The following SCAF8 variants were observed in gnomAD, a reference collection of about 807,000 sequenced individuals.
SCAF8 encodes the protein SR-related and CTD-associated factor 8.
SCAF8 carries 23 observed loss-of-function variants against 140.5 expected under a neutral mutation model. That is an observed-to-expected ratio of 0.16 (90% CI 0.12 to 0.23). The LOEUF (loss-of-function observed/expected upper bound fraction) is 0.23, where lower values mean the gene tolerates loss of function less well. Ranked by LOEUF, SCAF8 falls within the 10% of genes least tolerant of loss-of-function variation. SCAF8 has a pLI of 1.00. For synonymous variants in SCAF8, 575 were observed against 528.9 expected (o/e 1.09, Z -1.20); for missense variants, 1,397 against 1,555.7 (o/e 0.90, Z 1.72).
At chr6:154,735,434 CTT>C (rs1171847741) in intron 1 of SCAF8, among the ~76,000 whole-genome samples, 2 of 151,172 alleles carry the variant, frequency 1.3e-5, no homozygotes, top group Admixed American at 1.3e-4. Flanking sequence ...TGATACATAA[CTT>C]TTTTTGGAAA....
intron 1 of SCAF8, among the ~76,000 whole-genome samples, chr6:154,747,375 T>C (rs907628249): frequency 2.0e-5 from 3 of 152,046 alleles, no homozygotes; most frequent in African/African-American, 4.8e-5. Context: ...TACAAAAAAA[T>C]TAGCTGGGTA....
At position 154,822,421 on chromosome 6, in the gene SCAF8, A is replaced by AGTGGGGTTTTTTTTTTCTTGT; in HGVS notation, c.1926+15_1926+35dup. The AGTGGGGTTTTTTTTTTCTTGT allele has an allele frequency of 6.3e-7, 1 of 1,582,530 alleles. No homozygotes were observed. The highest frequency in any genetic ancestry group is 2.2e-5 in the East Asian group (1 of 44,756). ...TTGCTATGTTGCAGGTTAGTGTTGA[A>AGTGGGGTTTTTTTTTTCTTGT]GTGGGGTTTTTTTTTTCTTGTGTTG... On this transcript the variant is annotated intron_variant, in intron 16 of 19. Transcript: ENST00000367178.
chr6:154,789,637 C>T (rs1274701705), intron 4 of SCAF8, among the ~76,000 whole-genome samples: 1 of 151,298 alleles, frequency 6.6e-6, no homozygotes, highest in Non-Finnish European at 1.5e-5. Flanking sequence ...ACTCTGCCTC[C>T]CAGGTTCACG....
In SCAF8 at chr6:154,808,195, G is replaced by C; in HGVS notation, c.1107G>C (p.Gln369His). 1 of 1,612,506 alleles carries C rather than the reference G, an allele frequency of 6.2e-7. No individual in the cohort carries two copies. The highest frequency in any genetic ancestry group is 8.5e-7 in the Non-Finnish European group (1 of 1,179,332). The change falls in exon 10 of 20, where the codon CAG (glutamine) becomes CAC (histidine). Residue 369 changes from glutamine (Q) to histidine (H), a missense_variant. Physicochemically the swap from Gln to His is conservative, Grantham distance 24. Around this residue, in one of 5 missense-constraint regions of SCAF8, gnomAD observed 339 missense variants for 407.5 expected, o/e 0.83. Transcript: ENST00000367178. ...EVNLDDSIDI[Q>H]QQDMDIDEGQ... ...ATTTGGATGATTCCATAGATATTCAGCAACAGGTAAAAGTAAATGTTTTTC... is the reference window on the plus strand; with the variant it reads ...ATTTGGATGATTCCATAGATATTCACCAACAGGTAAAAGTAAATGTTTTTC...
At chr6:154,747,341 A>G (rs921573637) in intron 1 of SCAF8, among the ~76,000 whole-genome samples, 1 of 152,126 alleles carries the variant, frequency 6.6e-6, no homozygotes, top group Non-Finnish European at 1.5e-5. Context: ...TTGTGAAACA[A>G]TATGTCTCTA....
intron 1 of SCAF8, among the ~76,000 whole-genome samples, chr6:154,771,746 G>C (rs1207530293): frequency 6.6e-6 from 1 of 152,142 alleles, no homozygotes; most frequent in Non-Finnish European, 1.5e-5. Flanking sequence ...AAGAGGGAGG[G>C]AGGAAGGGGT....
chr6:154,749,527 G>A (rs1388088211), intron 1 of SCAF8, among the ~76,000 whole-genome samples: 1 of 152,094 alleles, frequency 6.6e-6, no homozygotes, highest in Admixed American at 6.6e-5. Context: ...ATGATGAAAA[G>A]TAATATGAGG....
intron 1 of SCAF8, among the ~76,000 whole-genome samples, chr6:154,762,403 G>A (rs1776431776): frequency 6.6e-6 from 1 of 152,108 alleles, no homozygotes; most frequent in Non-Finnish European, 1.5e-5. Context: ...ACTGGCTGTG[G>A]GCTGGGGGTT....
intron 5 of SCAF8, 68 bp downstream of exon 5, chr6:154,793,044 T>TA: frequency 7.7e-7 from 1 of 1,291,598 alleles, no homozygotes; most frequent in Non-Finnish European, 1.0e-6. Context: ...ACTGTTCATA[T>TA]AAAAAATAAT....
At chr6:154,796,389 C>CTCTCTCTCTCTCTCTCTCTCTCTCTG (rs376622207) in intron 6 of SCAF8, among the ~76,000 whole-genome samples, 10 of 141,058 alleles carry the variant, frequency 7.1e-5, no homozygotes, top group African/African-American at 1.9e-4. Context: ...CTCTCTCTCT[C>CTCTCTCTCTCTCTCTCTCTCTCTCTG]TCTGTCTCTC....
Position 154,793,507 on chromosome 6 carries a change from T to A in SCAF8, c.475+531T>A, listed in dbSNP as rs1033746384. 2.0e-5 allele frequency among the ~76,000 whole-genome samples: 3 copies of A among 151,878 alleles called. No individual in the cohort carries two copies. In the East Asian group the frequency reaches 5.8e-4, roughly 29 times the overall value. On this transcript the variant is annotated intron_variant, in intron 5 of 19. Transcript: ENST00000367178. ...TTTAAATAATTTTTTCAAAAATTTT[T>A]ATGAAAAAATTTTTATCATAGTTCC...
At chr6:154,808,551 G>A in intron 10 of SCAF8, 135 bp from the exon 11 acceptor site, 2 of 615,726 alleles carry the variant, frequency 3.2e-6, no homozygotes, top group East Asian at 5.5e-5. Flanking sequence ...GGGGCCCAGG[G>A]AAGCCAAAAG....
intron 1 of SCAF8, among the ~76,000 whole-genome samples, chr6:154,748,967 G>T: frequency 6.6e-6 from 1 of 152,048 alleles, no homozygotes; most frequent in Non-Finnish European, 1.5e-5. Context: ...TTTTGAGACG[G>T]AGTTTTCTCT....
chr6:154,754,122 G>A (rs1419185568), intron 1 of SCAF8, among the ~76,000 whole-genome samples: 2 of 152,186 alleles, frequency 1.3e-5, no homozygotes, highest in African/African-American at 4.8e-5. Flanking sequence ...GAGAAAGGGA[G>A]CTTAAGAGTT....
Position 154,833,947 on chromosome 6 carries a change from C to T in SCAF8, c.*552C>T, listed in dbSNP as rs921294944. On this transcript the variant is annotated 3_prime_UTR_variant, in exon 20 of 20. Transcript: ENST00000367178. ...AAGTAAGTGTTTGTGATTTGTTCCTCATACTGCAGTGAGTAAAAAAGAAAC... is the reference window on the plus strand; with the variant it reads ...AAGTAAGTGTTTGTGATTTGTTCCTTATACTGCAGTGAGTAAAAAAGAAAC... The T allele has an allele frequency of 4.6e-5, 7 of 152,300 alleles. No homozygotes were observed. The highest frequency in any genetic ancestry group is 1.7e-4 in the African/African-American group (7 of 41,438). The allele number at this position is 152,300 out of a possible 1,614,324, so 9.4% of individuals were successfully genotyped here. A position where few individuals can be genotyped will look rare whatever the true frequency, so the allele number is the denominator to read the frequency against.
At chr6:154,737,403 C>G (rs181965503) in intron 1 of SCAF8, among the ~76,000 whole-genome samples, 4 of 152,092 alleles carry the variant, frequency 2.6e-5, no homozygotes, top group Non-Finnish European at 5.9e-5. Context: ...AGGCTGGGCT[C>G]GATGGGTCAT....
intron 1 of SCAF8, among the ~76,000 whole-genome samples, chr6:154,735,131 A>AAAAAAAAGAAAAAG (rs1778379998): frequency 6.6e-6 from 1 of 151,984 alleles, no homozygotes; most frequent in South Asian, 2.1e-4. Flanking sequence ...CTACAAAAAA[A>AAAAAAAAGAAAAAG]AAAAAAAGAA....
rs58013583 is a variant in SCAF8, at chr6:154,831,703, T to TAAAAAAAAAAAAAAAAAAAA, written c.2360-216_2360-197dup. Among the ~76,000 whole-genome samples the TAAAAAAAAAAAAAAAAAAAA allele has an allele frequency of 6.2e-5, 3 of 48,068 alleles. 1 individual carries two copies. Among genetic ancestry groups the TAAAAAAAAAAAAAAAAAAAA allele is most frequent in the Non-Finnish European group, 7.7e-5 (2 of 26,004 alleles). 31.5% of individuals were successfully genotyped at this position (48,068 alleles called of 152,430 possible). ...CCTTTTAAACCTCCACTCCTGTTCT[T>TAAAAAAAAAAAAAAAAAAAA]AAAAAAAAAAAAAAAAAAAAAAAAA... On this transcript the variant is annotated intron_variant, in intron 19 of 19. Transcript: ENST00000367178.
chr6:154,815,760 A>G lies in SCAF8; in HGVS notation c.1465A>G (p.Thr489Ala), dbSNP rs564615983. Reference protein sequence around the residue: ...LWVGQVDKKATQQDLTNLFEE... With the variant: ...LWVGQVDKKAAQQDLTNLFEE... ...GGTTGGGCAAGTGGACAAGAAGGCA[A>G]CACAGCAAGACTTAACCAACCTGTT... The change falls in exon 13 of 20, where the codon ACA becomes GCA. Residue 489 changes from threonine to alanine, a missense_variant. Transcript: ENST00000367178. 10 of 1,613,272 alleles carry G rather than the reference A, an allele frequency of 6.2e-6. No individual in the cohort carries two copies. Among genetic ancestry groups the G allele is most frequent in the South Asian group, 4.4e-5 (4 of 91,078 alleles).
Sources: allele counts gnomAD v4.1 joint callset (sites outside exome capture counted in the v4.1 genomes callset), GRCh38; gene constraint gnomAD v4.1.1; regional missense constraint gnomAD v4.1.1; transcripts MANE v1.5; gene names NCBI Gene and HGNC (gene_info 2026-07-23, HGNC 2026-07-21).